The following GALNT17 variants were observed in gnomAD, a reference collection of about 807,000 sequenced individuals.
GALNT17 encodes UDP-GalNAc:polypeptide N-acetylgalactosaminyltransferase-like 3.
Under a neutral mutation model 63.7 loss-of-function variants are expected in GALNT17, and 29 were observed. The ratio of observed to expected loss-of-function variants is 0.46; its 90% confidence interval spans 0.34 to 0.62. GALNT17 has a LOEUF of 0.62. GALNT17 is among the 20% of genes least tolerant of loss of function. The pLI is 0.01. For synonymous variants in GALNT17, 305 were observed against 318.3 expected (o/e 0.96, Z 0.45); for missense variants, 603 against 799.6 (o/e 0.75, Z 2.97).
chr7:71,242,946 T>TA (rs1290039271), intron 1 of GALNT17, among the ~76,000 whole-genome samples: 1 of 152,354 alleles, frequency 6.6e-6, no homozygotes, highest in South Asian at 2.1e-4. Flanking sequence ...ATTAGAATCT[T>TA]AGAGTTGGGA....
At chr7:71,657,628 C>G (rs1466581189) in intron 6 of GALNT17, among the ~76,000 whole-genome samples, 2 of 152,182 alleles carry the variant, frequency 1.3e-5, no homozygotes, top group East Asian at 3.9e-4. Flanking sequence ...GAGCACAGCC[C>G]TTGCTTAAAT....
intron 5 of GALNT17, among the ~76,000 whole-genome samples, chr7:71,481,650 T>G (rs1254241280): frequency 6.6e-6 from 1 of 152,084 alleles, no homozygotes; most frequent in Admixed American, 6.6e-5. Context: ...GCTCATCTGC[T>G]GCCTCCACTT....
At chr7:71,497,955 G>A (rs890485008) in intron 5 of GALNT17, among the ~76,000 whole-genome samples, 6 of 152,176 alleles carry the variant, frequency 3.9e-5, no homozygotes, top group African/African-American at 1.2e-4. Flanking sequence ...AGTACAGCAT[G>A]ATTGGATTTT....
intron 3 of GALNT17, among the ~76,000 whole-genome samples, chr7:71,388,625 C>T (rs1419999543): frequency 6.6e-6 from 1 of 151,956 alleles, no homozygotes; most frequent in Non-Finnish European, 1.5e-5. Context: ...CTCCCGGGTT[C>T]AAGCGATTCT....
At chr7:71,234,007 G>T (rs113283563) in intron 1 of GALNT17, among the ~76,000 whole-genome samples, 5,761 of 152,150 alleles carry the variant, frequency 0.038, 349 homozygotes, top group African/African-American at 0.13. Flanking sequence ...ACTATCATGA[G>T]AACAGCAAGG....
rs1002491260 is a variant in GALNT17 at position 71,712,426 on chromosome 7, G to A, written c.*280G>A. 1 of 310,230 alleles carries A rather than the reference G, an allele frequency of 3.2e-6. No individual in the cohort carries two copies. Among genetic ancestry groups the A allele is most frequent in the African/African-American group, 2.2e-5 (1 of 45,478 alleles). The allele number at this position is 310,230 out of a possible 1,614,324, so 19.2% of individuals were successfully genotyped here. On this transcript the variant is annotated 3_prime_UTR_variant, in exon 11 of 11. Coordinates refer to ENST00000333538, the MANE Select transcript of GALNT17 (RefSeq NM_022479.3). ...CAGCCTCTGATGTGGACCTGGTACT[G>A]AGGAGCAAGACTGTCCAGTTCTCCT...
chr7:71,618,673 C>T (rs1156487109), intron 6 of GALNT17, among the ~76,000 whole-genome samples: 2 of 152,044 alleles, frequency 1.3e-5, no homozygotes, highest in Non-Finnish European at 1.5e-5. Context: ...TTGCTTTTTG[C>T]TTGTTGACTT....
At chr7:71,190,210 ATAGTTT>A (rs1788926740) in intron 1 of GALNT17, among the ~76,000 whole-genome samples, 1 of 152,180 alleles carries the variant, frequency 6.6e-6, no homozygotes, top group African/African-American at 2.4e-5. Context: ...GGGCTTTGAT[ATAGTTT>A]GAATATCTAT....
chr7:71,363,364 G>A (rs2116239927), intron 2 of GALNT17, among the ~76,000 whole-genome samples: 2 of 152,350 alleles, frequency 1.3e-5, no homozygotes, highest in South Asian at 4.1e-4. Context: ...GGAAAATACA[G>A]TGGTGATTGA....
At chr7:71,458,453 T>C (rs1787393293) in intron 5 of GALNT17, among the ~76,000 whole-genome samples, 1 of 152,152 alleles carries the variant, frequency 6.6e-6, no homozygotes, top group Non-Finnish European at 1.5e-5. Flanking sequence ...CAAAGCCCTA[T>C]TGGGCATGTT....
chr7:71,439,994 G>A (rs1447595787), intron 5 of GALNT17, among the ~76,000 whole-genome samples: 1 of 144,516 alleles, frequency 6.9e-6, no homozygotes, highest in African/African-American at 2.6e-5. Flanking sequence ...CACCCAGGCT[G>A]GAATACAGTG....
At chr7:71,259,212 G>C (rs983101984) in intron 1 of GALNT17, among the ~76,000 whole-genome samples, 1 of 152,242 alleles carries the variant, frequency 6.6e-6, no homozygotes, top group South Asian at 2.1e-4. Flanking sequence ...AAATGTCAAA[G>C]GCTTGGATCA....
At chr7:71,321,027 G>A (rs754568303) in intron 1 of GALNT17, among the ~76,000 whole-genome samples, 11 of 152,188 alleles carry the variant, frequency 7.2e-5, no homozygotes, top group Admixed American at 5.9e-4. Context: ...TTGGAGCATA[G>A]TGGAGGAGAG....
chr7:71,496,087 CT>C (rs1391249302), intron 5 of GALNT17, among the ~76,000 whole-genome samples: 1 of 152,220 alleles, frequency 6.6e-6, no homozygotes, highest in Non-Finnish European at 1.5e-5. Flanking sequence ...CCCATGTGCT[CT>C]TTTCGTCCTA....
chr7:71,250,809 T>C (rs1790184325), intron 1 of GALNT17, among the ~76,000 whole-genome samples: 1 of 152,192 alleles, frequency 6.6e-6, no homozygotes, highest in Admixed American at 6.5e-5. Context: ...GAAAAACCCT[T>C]TTCCCTGAGC....
intron 1 of GALNT17, among the ~76,000 whole-genome samples, chr7:71,166,931 T>C (rs1788451529): frequency 6.6e-6 from 1 of 152,084 alleles, no homozygotes; most frequent in African/African-American, 2.4e-5. Context: ...GTTATGTCAC[T>C]CAGGCTGGAG....
At chr7:71,164,533 G>T (rs1019605826) in intron 1 of GALNT17, among the ~76,000 whole-genome samples, 8 of 152,182 alleles carry the variant, frequency 5.3e-5, no homozygotes, top group African/African-American at 1.9e-4. Flanking sequence ...CTATATCATT[G>T]TCCCCTTTCA....
At chr7:71,607,035 G>A (rs184735648) in intron 6 of GALNT17, among the ~76,000 whole-genome samples, 8 of 152,276 alleles carry the variant, frequency 5.3e-5, no homozygotes, top group African/African-American at 1.9e-4. Context: ...TACCAGGAGT[G>A]TTGGCTCACA....
chr7:71,383,609 T>C (rs1283389268), intron 2 of GALNT17, among the ~76,000 whole-genome samples: 1 of 152,000 alleles, frequency 6.6e-6, no homozygotes, highest in Non-Finnish European at 1.5e-5. Flanking sequence ...TGGCTAATTT[T>C]TACTTTCAGA....
Sources: gnomAD v4.1 joint callset for allele counts (sites outside exome capture counted in the v4.1 genomes callset) on GRCh38, gnomAD v4.1.1 for gene constraint, MANE v1.5 for transcripts, NCBI Gene and HGNC (gene_info 2026-07-23, HGNC 2026-07-21) for gene names.